The following TMEM82 variants were observed in gnomAD, a reference collection of about 807,000 sequenced individuals.
The protein encoded by TMEM82 is transmembrane protein 82.
In TMEM82, 30 loss-of-function variants were observed where a neutral mutation model predicts 29.2. The ratio of observed to expected loss-of-function variants is 1.03; its 90% CI spans 0.77 to 1.39. The LOEUF (loss-of-function observed/expected upper bound fraction) is 1.39, where lower values mean the gene tolerates loss of function less well. TMEM82 is among the 40% of genes most tolerant of loss of function. The probability of loss-of-function intolerance (pLI) is 0.00; values close to 1 mark genes in which losing one functional copy is unlikely to be tolerated. For missense variants in TMEM82, 442 were observed against 447.7 expected, an observed-to-expected ratio of 0.99 and a Z score of 0.12; for synonymous variants, 221 against 225.4, an observed-to-expected ratio of 0.98 and a Z score of 0.18.
At position 15,744,019 on chromosome 1, in the gene TMEM82, C is replaced by T. The variant is rs1417068699; in HGVS notation, c.337-141C>T. On this transcript the variant is annotated intron_variant, in intron 3 of 5. Coordinates refer to ENST00000375782, the MANE Select transcript of TMEM82 (RefSeq NM_001013641.3). This position sits in a 1 kb window ranked among gnomAD's most constrained non-coding sequence, Gnocchi z 5.2. ...TTGAAATTAAGGTGAGAGAGATGATCCCCTAGGGCTTCATCTGAAGCCGAT... is the reference window on the plus strand; with the variant it reads ...TTGAAATTAAGGTGAGAGAGATGATTCCCTAGGGCTTCATCTGAAGCCGAT... 5.7e-6 allele frequency: 4 copies of T among 705,598 alleles called. No individual in the cohort carries two copies. Among genetic ancestry groups the T allele is most frequent in the Non-Finnish European group, 9.0e-6 (4 of 443,210 alleles). The allele number at this position is 705,598 out of a possible 1,614,324, so 43.7% of individuals were successfully genotyped here. A position where few individuals can be genotyped will look rare whatever the true frequency, so the allele number is the denominator to read the frequency against.
At chr1:15,745,359 A>G (rs1202974233) in intron 4 of TMEM82, among the ~76,000 whole-genome samples, 2 of 151,990 alleles carry the variant, frequency 1.3e-5, no homozygotes, top group East Asian at 3.9e-4. Context: ...TGCCTGTACT[A>G]AAAATACAAA....
chr1:15,743,929 T>C (rs1272172429), intron 3 of TMEM82, among the ~76,000 whole-genome samples: 3 of 151,726 alleles, frequency 2.0e-5, no homozygotes, highest in African/African-American at 4.8e-5. Flanking sequence ...CGAGCCACTG[T>C]ACTCCAGCCT....
rs919290424 is a variant in TMEM82, at chr1:15,744,864, G to A, written c.757+284G>A. The stretch of plus-strand genomic sequence containing the variant: ...AGAACCGCATGTGCCAATGCCCAGA[G>A]GGGAGAGAGGGCATGGCCGTGCCAA... On this transcript the variant is annotated intron_variant, in intron 4 of 5. Coordinates refer to ENST00000375782, the MANE Select transcript of TMEM82 (RefSeq NM_001013641.3). The surrounding 1 kb of genome is among the most constrained non-coding windows in gnomAD (Gnocchi z 5.2). 3.9e-5 allele frequency among the ~76,000 whole-genome samples: 6 copies of A among 152,192 alleles called. No homozygotes were observed. The highest frequency in any genetic ancestry group is 1.2e-4 in the African/African-American group (5 of 41,452).
At chr1:15,743,227 C>T in intron 3 of TMEM82, 33 bp downstream of exon 3, 2 of 1,586,356 alleles carry the variant, frequency 1.3e-6, no homozygotes, top group South Asian at 2.2e-5. Flanking sequence ...GGGTGGATCA[C>T]TCCCCAGCCC....
In TMEM82 at chr1:15,747,021, C is replaced by T. The variant is rs779899599; in HGVS notation, c.912C>T (p.Gly304=). The part of the protein sequence containing the change: ...SLLGELWCLV[G]VRTLLDLCQI... ...TGGGCGAGCTCTGGTGTCTCGTGGGCGTCCGCACCCTGCTTGACCTCTGCC... is the reference window on the plus strand; with the variant it reads ...TGGGCGAGCTCTGGTGTCTCGTGGGTGTCCGCACCCTGCTTGACCTCTGCC... Residue 304 remains glycine (G), a synonymous_variant, in exon 5 of 6, where the codon GGC becomes GGT. Transcript: ENST00000375782. The T allele has an allele frequency of 1.4e-5, 23 of 1,610,878 alleles. No homozygotes were observed. Among genetic ancestry groups the T allele is most frequent in the East Asian group, 2.2e-5 (1 of 44,872 alleles).
Position 15,747,612 on chromosome 1 carries a change from C to T in TMEM82, c.1012C>T (p.Gln338Ter). 6.2e-7 allele frequency: 1 copy of T among 1,614,092 alleles called. No individual in the cohort carries two copies. Among genetic ancestry groups the T allele is most frequent in the South Asian group, 1.1e-5 (1 of 91,070 alleles). Residue 338 changes from glutamine to a stop codon, truncating the protein, a stop_gained, in exon 6 of 6, where the codon CAG becomes TAG. Coordinates refer to ENST00000375782, the MANE Select transcript of TMEM82 (RefSeq NM_001013641.3). LOFTEE classifies it high-confidence loss of function. The stretch of plus-strand genomic sequence containing the variant: ...GCCCCTGCCCTCGGCACCCCAGTCC[C>T]AGAGTTCGGCCCCCTCTTGACCTGC... Reference protein sequence around the residue: ...SQPLPSAPQSQSSAPS With the variant: ...SQPLPSAPQS
In TMEM82 at chr1:15,743,140, C is replaced by T. The variant is rs762859575; in HGVS notation, c.282C>T (p.Leu94=). 1.1e-5 allele frequency: 18 copies of T among 1,611,500 alleles called. No homozygotes were observed. The highest frequency in any genetic ancestry group is 3.3e-4 in the Middle Eastern group (2 of 6,082). ...TCGTGGGGTCCCGGGTGGCTGCCCT[C>T]GTGGTGCTCGAGTTCTCCCTCCGGG... ...LTVVGSRVAA[L]VVLEFSLRAV... Residue 94 remains leucine, a synonymous_variant, in exon 3 of 6, where the codon CTC becomes CTT. Transcript: ENST00000375782.
chr1:15,743,928 G>A (rs1225482958), intron 3 of TMEM82, among the ~76,000 whole-genome samples: 1 of 151,840 alleles, frequency 6.6e-6, no homozygotes, highest in African/African-American at 2.4e-5. Context: ...TCGAGCCACT[G>A]TACTCCAGCC....
chr1:15,747,093 C>T, intron 5 of TMEM82, 39 bp downstream of exon 5: 1 of 1,584,408 alleles, frequency 6.3e-7, no homozygotes, highest in Non-Finnish European at 8.6e-7. Flanking sequence ...AGACAATGAA[C>T]CCTGCTTCAA....
chr1:15,747,713 A>T lies in TMEM82; in HGVS notation c.*81A>T. 7.7e-7 allele frequency: 1 copy of T among 1,297,148 alleles called. No individual in the cohort carries two copies. The highest frequency in any genetic ancestry group is 1.1e-6 in the Non-Finnish European group (1 of 913,538). 80.4% of individuals were successfully genotyped at this position (1,297,148 alleles called of 1,614,324 possible). On this transcript the variant is annotated 3_prime_UTR_variant, in exon 6 of 6. Coordinates refer to ENST00000375782, the MANE Select transcript of TMEM82 (RefSeq NM_001013641.3). ...GCCTTGACCCCAGGGCGATGCCTGG[A>T]GGCAGAGTGGCAGAGCTGGCCTCCT...
In TMEM82 at chr1:15,743,117, G is replaced by T. The variant is rs142233857; in HGVS notation, c.259G>T (p.Val87Leu). The T allele has an allele frequency of 3.6e-5, 58 of 1,611,946 alleles. No homozygotes were observed. The highest frequency in any genetic ancestry group is 4.7e-5 in the Non-Finnish European group (56 of 1,179,840). The change falls in exon 3 of 6, where the codon GTG becomes TTG. Residue 87 changes from valine to leucine, a missense_variant. Transcript: ENST00000375782. ...AGGGCTGGCCCTGTTTCTGACGGTCGTGGGGTCCCGGGTGGCTGCCCTCGT... is the reference window on the plus strand; with the variant it reads ...AGGGCTGGCCCTGTTTCTGACGGTCTTGGGGTCCCGGGTGGCTGCCCTCGT... ...LAGLALFLTV[V>L]GSRVAALVVL...
intron 3 of TMEM82, 44 bp downstream of exon 3, chr1:15,743,238 A>C: frequency 1.3e-6 from 2 of 1,568,344 alleles, no homozygotes; most frequent in Non-Finnish European, 8.6e-7. Context: ...TCCCCAGCCC[A>C]GGGCCCGGGC....
intron 4 of TMEM82, among the ~76,000 whole-genome samples, chr1:15,746,297 A>AACAT (rs2068334797): frequency 6.6e-6 from 1 of 151,810 alleles, no homozygotes; most frequent in Non-Finnish European, 1.5e-5. Flanking sequence ...CAGCCTGGCC[A>AACAT]ACATAGTGAA....
rs745379398 is a variant in TMEM82 at position 15,747,668 on chromosome 1, C to G, written c.*36C>G. 8.2e-6 allele frequency: 13 copies of G among 1,578,520 alleles called. No individual in the cohort carries two copies. In the African/African-American group the frequency reaches 1.6e-4, roughly 20 times the overall value. On this transcript the variant is annotated 3_prime_UTR_variant, in exon 6 of 6. Transcript: ENST00000375782. ...GGAGGATCTGGAGTCTGTCTCAAGC[C>G]CACTAGCCTGATCTCCGAGGCCTTG... is the stretch of plus-strand genomic sequence containing the variant.
intron 5 of TMEM82, among the ~76,000 whole-genome samples, chr1:15,747,284 T>C (rs1242153946): frequency 6.7e-6 from 1 of 149,070 alleles, no homozygotes. Flanking sequence ...AGAGTGAGAC[T>C]CCATCTCCAA....
At position 15,742,654 on chromosome 1, in the gene TMEM82, A is replaced by T; in HGVS notation, c.88+7A>T. On this transcript the variant is annotated splice_region_variant and intron_variant, in intron 1 of 5. Transcript: ENST00000375782. ...CTTGACTCCCTCCTGCAAGGTGAGC[A>T]CCTCGCCCCATTCCTGCCTTGGCCC... The T allele has an allele frequency of 6.2e-7, 1 of 1,605,484 alleles. No homozygotes were observed.
Position 15,747,570 on chromosome 1 carries a change from G to T in TMEM82, c.970G>T (p.Val324Leu). 6.2e-7 allele frequency: 1 copy of T among 1,614,082 alleles called. No individual in the cohort carries two copies. The highest frequency in any genetic ancestry group is 8.5e-7 in the Non-Finnish European group (1 of 1,179,974). ...GGATTTTCCATCCCAGAGGCCTCCA[G>T]TGTCAACACCAAGCCAGCCCCTGCC... is the stretch of plus-strand genomic sequence containing the variant. ...IQDFPSQRPP[V>L]STPSQPLPSA... The change falls in exon 6 of 6, where the codon GTG becomes TTG. Residue 324 changes from valine (V) to leucine (L), a missense_variant. Physicochemically the swap from Val to Leu is conservative, Grantham distance 32. Coordinates refer to ENST00000375782, the MANE Select transcript of TMEM82 (RefSeq NM_001013641.3).
chr1:15,747,445 C>G, intron 5 of TMEM82, 101 bp from the exon 6 acceptor site: 1 of 1,017,308 alleles, frequency 9.8e-7, no homozygotes, highest in Non-Finnish European at 1.5e-6. Context: ...CCAGCAACAA[C>G]CCAGAGGCCC....
Position 15,744,519 on chromosome 1 carries a change from G to C in TMEM82, c.696G>C (p.Glu232Asp). Reference protein sequence around the residue: ...LINQDFLTTSEAMRFWTPLTI... With the variant: ...LINQDFLTTSDAMRFWTPLTI... Reference sequence around the variant, plus strand: ...ACCAGGACTTCCTGACCACCTCGGAGGCCATGCGGTTCTGGACACCGCTCA... The same window carrying C: ...ACCAGGACTTCCTGACCACCTCGGACGCCATGCGGTTCTGGACACCGCTCA... The change falls in exon 4 of 6, where the codon GAG becomes GAC. Residue 232 changes from glutamate (E) to aspartate (D), a missense_variant. Glu to Asp is a conservative substitution (Grantham distance 45, BLOSUM62 2). Coordinates refer to ENST00000375782, the MANE Select transcript of TMEM82 (RefSeq NM_001013641.3). This position sits in a 1 kb window ranked among gnomAD's most constrained non-coding sequence, Gnocchi z 5.2. 1 of 1,612,580 alleles carries C rather than the reference G, an allele frequency of 6.2e-7. No homozygotes were observed. The highest frequency in any genetic ancestry group is 8.5e-7 in the Non-Finnish European group (1 of 1,179,888).
Sources: gnomAD v4.1 joint callset for allele counts (sites outside exome capture counted in the v4.1 genomes callset) on GRCh38, gnomAD v4.1.1 for gene constraint, Gnocchi (gnomAD v3.1) non-coding constraint, MANE v1.5 for transcripts, NCBI Gene and HGNC (gene_info 2026-07-23, HGNC 2026-07-21) for gene names.